Variants in ZFYVE9 observed in about 807,000 individuals in gnomAD.
ZFYVE9 encodes zinc finger FYVE-type containing 9.
Under a neutral mutation model 126.7 loss-of-function variants are expected in ZFYVE9, and 43 were observed. The observed-to-expected ratio is 0.34, with a 90% CI of 0.27 to 0.44. ZFYVE9 has a LOEUF of 0.44. Ranked by LOEUF, ZFYVE9 falls within the 20% of genes least tolerant of loss-of-function variation. The pLI, the probability that ZFYVE9 is intolerant of heterozygous loss-of-function variation, is 1.00. For missense variants in ZFYVE9, 1,476 were observed against 1,697.0 expected (o/e 0.87, Z 2.29); for synonymous variants, 521 against 597.4 (o/e 0.87, Z 1.87).
intron 1 of ZFYVE9, among the ~76,000 whole-genome samples, chr1:52,158,363 G>A (rs1160537835): frequency 6.6e-6 from 1 of 152,210 alleles, no homozygotes; most frequent in African/African-American, 2.4e-5. Flanking sequence ...ATGGCATCTA[G>A]GAATGCAGAT....
At position 52,195,009 on chromosome 1, in the gene ZFYVE9, A is replaced by T; in HGVS notation, c.-142-21360A>T. 1.3e-5 allele frequency among the ~76,000 whole-genome samples: 2 copies of T among 152,280 alleles called. 1 individual carries two copies. Among genetic ancestry groups the T allele is most frequent in the Middle Eastern group, 6.9e-3 (2 of 290 alleles). On this transcript the variant is annotated intron_variant, in intron 1 of 18. Coordinates refer to ENST00000287727, the MANE Select transcript of ZFYVE9 (RefSeq NM_004799.4). ...TGAATATATTATAATAATATATAAC[A>T]ATAGACATGTATGTATTTTTAAAAT...
At chr1:52,334,294 G>A (rs1557525199) in intron 14 of ZFYVE9, among the ~76,000 whole-genome samples, 2 of 152,156 alleles carry the variant, frequency 1.3e-5, no homozygotes, top group East Asian at 3.8e-4. Context: ...TAGTATTATA[G>A]TGCAAAAACT....
chr1:52,198,178 G>T (rs1027797714), intron 1 of ZFYVE9, among the ~76,000 whole-genome samples: 4 of 120,082 alleles, frequency 3.3e-5, no homozygotes, highest in African/African-American at 1.2e-4. Context: ...CTGGAGTTCA[G>T]TGATGCTATC....
chr1:52,234,524 G>A (rs4272565), intron 3 of ZFYVE9, among the ~76,000 whole-genome samples: 20,626 of 152,024 alleles, frequency 0.14, 2,141 homozygotes, highest in African/African-American at 0.28. Flanking sequence ...TCAGTGAATC[G>A]GGCTATTCTT....
chr1:52,270,388 C>T (rs966963574), intron 7 of ZFYVE9, among the ~76,000 whole-genome samples: 19 of 152,188 alleles, frequency 1.2e-4, no homozygotes, highest in South Asian at 2.1e-4. Context: ...CTCAGTCTCC[C>T]GAGTAGCTGG....
intron 4 of ZFYVE9, among the ~76,000 whole-genome samples, chr1:52,256,947 A>T (rs959204688): frequency 6.6e-6 from 1 of 152,176 alleles, no homozygotes; most frequent in Non-Finnish European, 1.5e-5. Context: ...TATTTTTGTC[A>T]TAATTATAGG....
intron 4 of ZFYVE9, among the ~76,000 whole-genome samples, chr1:52,248,774 A>G (rs995810439): frequency 5.3e-5 from 8 of 152,192 alleles, no homozygotes; most frequent in African/African-American, 1.9e-4. Context: ...TTCTTTGTGT[A>G]TATACCCAGA....
chr1:52,345,726 A>G (rs1468992899), intron 18 of ZFYVE9: 3 of 181,530 alleles, frequency 1.7e-5, no homozygotes, highest in Admixed American at 5.9e-5. Context: ...GGAGCTGTAC[A>G]TTGTGTATTT....
intron 13 of ZFYVE9, among the ~76,000 whole-genome samples, chr1:52,329,644 G>A (rs992688504): frequency 3.9e-5 from 6 of 152,192 alleles, no homozygotes; most frequent in Admixed American, 2.0e-4. Flanking sequence ...GGTGGCACAT[G>A]CCTATAATCC....
chr1:52,173,669 A>G (rs1644594225), intron 1 of ZFYVE9, among the ~76,000 whole-genome samples: 1 of 152,052 alleles, frequency 6.6e-6, no homozygotes, highest in Non-Finnish European at 1.5e-5. Flanking sequence ...GATTATTGCC[A>G]CAATTTCAGA....
chr1:52,300,895 T>C (rs942469173), intron 12 of ZFYVE9, among the ~76,000 whole-genome samples: 5 of 151,342 alleles, frequency 3.3e-5, no homozygotes, highest in African/African-American at 1.2e-4. Flanking sequence ...AGTCTCACTC[T>C]TTCACCCAGG....
At chr1:52,163,963 C>CT (rs1208145688) in intron 1 of ZFYVE9, among the ~76,000 whole-genome samples, 1 of 151,672 alleles carries the variant, frequency 6.6e-6, no homozygotes, top group South Asian at 2.1e-4. Context: ...AAATTTCTAC[C>CT]TTTTTTTTAA....
intron 1 of ZFYVE9, among the ~76,000 whole-genome samples, chr1:52,157,090 C>T (rs573040060): frequency 4.1e-4 from 62 of 152,270 alleles, no homozygotes; most frequent in Non-Finnish European, 2.5e-4. Context: ...CCTCGGCCTC[C>T]GAAAGTGCTG....
intron 1 of ZFYVE9, among the ~76,000 whole-genome samples, chr1:52,187,188 C>T (rs936482799): frequency 6.6e-6 from 1 of 152,034 alleles, no homozygotes; most frequent in Non-Finnish European, 1.5e-5. Flanking sequence ...TGATCTTTGA[C>T]AAAAGCTGAC....
chr1:52,285,423 A>G (rs141455943), intron 10 of ZFYVE9, among the ~76,000 whole-genome samples: 1 of 152,280 alleles, frequency 6.6e-6, no homozygotes, highest in Non-Finnish European at 1.5e-5. Context: ...CAGGCAAGCA[A>G]GTAAAGCTTC....
In ZFYVE9 at chr1:52,233,931, C is replaced by A. The variant is rs1227807992; in HGVS notation, c.70+655C>A. 3.3e-5 allele frequency among the ~76,000 whole-genome samples: 5 copies of A among 152,134 alleles called. No individual in the cohort carries two copies. In the East Asian group the frequency reaches 9.6e-4, roughly 29 times the overall value. On this transcript the variant is annotated intron_variant, in intron 3 of 18. Transcript: ENST00000287727. The stretch of plus-strand genomic sequence containing the variant: ...GAGTAGCTGGGATTCCATACACCCG[C>A]CACCATGCCTGGCTAATTTTTGTAT...
intron 13 of ZFYVE9, among the ~76,000 whole-genome samples, chr1:52,314,860 G>A (rs1054701368): frequency 6.6e-6 from 1 of 151,758 alleles, no homozygotes; most frequent in African/African-American, 2.4e-5. Context: ...GTGGGCGCCT[G>A]TAGTCCCAGC....
chr1:52,220,736 C>A (rs1645116665), intron 2 of ZFYVE9, among the ~76,000 whole-genome samples: 1 of 152,118 alleles, frequency 6.6e-6, no homozygotes, highest in South Asian at 2.1e-4. Context: ...CTGGTAATGC[C>A]TGCTTTCCCT....
intron 1 of ZFYVE9, chr1:52,162,714 T>G (rs151005416): frequency 6.5e-6 from 2 of 305,584 alleles, no homozygotes; most frequent in Non-Finnish European, 1.3e-5. Flanking sequence ...TCTTCTCTGG[T>G]TAGACATTGG....
Sources: allele counts gnomAD v4.1 joint callset (sites outside exome capture counted in the v4.1 genomes callset), GRCh38; gene constraint gnomAD v4.1.1; transcripts MANE v1.5; gene names NCBI Gene and HGNC (gene_info 2026-07-23, HGNC 2026-07-21).